Variants in PIEZO2 observed in about 807,000 individuals in gnomAD.
PIEZO2 encodes piezo-type mechanosensitive ion channel component 2.
Under a neutral mutation model 337.3 loss-of-function variants are expected in PIEZO2, and 172 were observed. The observed-to-expected ratio is 0.51, with a 90% CI of 0.45 to 0.58. The LOEUF (loss-of-function observed/expected upper bound fraction) is 0.58. Among genes scored for constraint, PIEZO2 ranks in the 20% least tolerant of loss-of-function variants. The probability of loss-of-function intolerance (pLI) is 0.00; values close to 1 mark genes in which losing one functional copy is unlikely to be tolerated. For missense variants in PIEZO2, 3,028 were observed against 3,391.3 expected (o/e 0.89, Z 2.66); for synonymous variants, 1,251 against 1,228.5 (o/e 1.02, Z -0.38).
chr18:10,823,887 T>C (rs1381224793), intron 7 of PIEZO2, among the ~76,000 whole-genome samples: 1 of 152,194 alleles, frequency 6.6e-6, no homozygotes, highest in Non-Finnish European at 1.5e-5. Context: ...CATATTCGCA[T>C]TCTGCCACAT....
At position 10,993,888 on chromosome 18, in the gene PIEZO2, A is replaced by C. The variant is rs902581539; in HGVS notation, c.161-14228T>G. ...TTTTCATTTCCATAGGTTTTGGGGA[A>C]CAGGTGATATTTGGTTACACAAGTA... is the stretch of plus-strand genomic sequence containing the variant. On this transcript the variant is annotated intron_variant, in intron 2 of 55. Transcript: ENST00000674853. The surrounding 1 kb of genome is among the most constrained non-coding windows in gnomAD (Gnocchi z 5.0). 6.2e-4 allele frequency among the ~76,000 whole-genome samples: 95 copies of C among 152,230 alleles called. 1 individual carries two copies. The highest frequency in any genetic ancestry group is 2.2e-3 in the African/African-American group (92 of 41,556).
In PIEZO2 at chr18:11,003,175, G is replaced by A. The variant is rs2035607832; in HGVS notation, c.161-23515C>T. The stretch of plus-strand genomic sequence containing the variant: ...GTGATGCAGTGAGGTTCCAGGACGT[G>A]TGTGGTATTAACTGTAGCACTAAGA... On this transcript the variant is annotated intron_variant, in intron 2 of 55. Coordinates refer to ENST00000674853, the MANE Select transcript of PIEZO2 (RefSeq NM_001378183.1). This position sits in a 1 kb window ranked among gnomAD's most constrained non-coding sequence, Gnocchi z 4.6. Among the ~76,000 whole-genome samples the A allele has an allele frequency of 6.6e-6, 1 of 152,214 alleles. No homozygotes were observed. Among genetic ancestry groups the A allele is most frequent in the African/African-American group, 2.4e-5 (1 of 41,450 alleles).
At chr18:10,924,990 A>G (rs528193642) in intron 3 of PIEZO2, among the ~76,000 whole-genome samples, 1 of 152,374 alleles carries the variant, frequency 6.6e-6, no homozygotes, top group African/African-American at 2.4e-5. Flanking sequence ...TAAACTTACA[A>G]TAGCAGCTTA....
intron 2 of PIEZO2, among the ~76,000 whole-genome samples, chr18:11,043,500 C>T (rs1393522232): frequency 6.6e-6 from 1 of 151,998 alleles, no homozygotes; most frequent in Non-Finnish European, 1.5e-5. Flanking sequence ...TGTGTGTAGA[C>T]TGTAGTAATT....
In PIEZO2 at chr18:10,943,367, C is replaced by T. The variant is rs1443729357; in HGVS notation, c.287-32139G>A. ...GCAAAGCCCCAGGGGTGGAGTTACC[C>T]AAGGCCGTGGGAGACCACCTCTTGC... On this transcript the variant is annotated intron_variant, in intron 3 of 55. Transcript: ENST00000674853. This position sits in a 1 kb window ranked among gnomAD's most constrained non-coding sequence, Gnocchi z 4.5. 1.3e-5 allele frequency among the ~76,000 whole-genome samples: 2 copies of T among 152,198 alleles called. No homozygotes were observed. The highest frequency in any genetic ancestry group is 2.9e-5 in the Non-Finnish European group (2 of 68,032).
At chr18:10,779,291 G>A (rs547375642) in intron 18 of PIEZO2, among the ~76,000 whole-genome samples, 1 of 152,236 alleles carries the variant, frequency 6.6e-6, no homozygotes, top group South Asian at 2.1e-4. Flanking sequence ...GAATTATTTT[G>A]TTAATTGGAT....
Position 10,794,728 on chromosome 18 carries a change from G to T in PIEZO2, c.1758+44C>A. On this transcript the variant is annotated intron_variant, in intron 13 of 55. Coordinates refer to ENST00000674853, the MANE Select transcript of PIEZO2 (RefSeq NM_001378183.1). This position sits in a 1 kb window ranked among gnomAD's most constrained non-coding sequence, Gnocchi z 6.6. ...TGGATACGATTATGATGATGATTGT[G>T]GTTTTGTGTCATTGTTTTGTTTTAT... The T allele has an allele frequency of 7.6e-7, 1 of 1,319,176 alleles. No individual in the cohort carries two copies. The highest frequency in any genetic ancestry group is 1.5e-5 in the African/African-American group (1 of 67,338). 81.7% of individuals were successfully genotyped at this position (1,319,176 alleles called of 1,614,324 possible).
In PIEZO2 at chr18:11,047,123, G is replaced by A. The variant is rs1325559700; in HGVS notation, c.160+19004C>T. 6.6e-6 allele frequency among the ~76,000 whole-genome samples: 1 copy of A among 152,180 alleles called. No homozygotes were observed. The highest frequency in any genetic ancestry group is 2.4e-5 in the African/African-American group (1 of 41,444). On this transcript the variant is annotated intron_variant, in intron 2 of 55. Transcript: ENST00000674853. The surrounding 1 kb of genome is among the most constrained non-coding windows in gnomAD (Gnocchi z 7.2). ...CATGTGCAGGGCATGGCCTGTCCAG[G>A]TACACTCAGGAGCCCCGTTTTCTGC... is the stretch of plus-strand genomic sequence containing the variant.
At chr18:10,931,759 G>A (rs2032103943) in intron 3 of PIEZO2, among the ~76,000 whole-genome samples, 1 of 151,634 alleles carries the variant, frequency 6.6e-6, no homozygotes, top group East Asian at 1.9e-4. Flanking sequence ...CTCACAGACT[G>A]CAATGTAACA....
Position 10,863,936 on chromosome 18 carries a change from G to A in PIEZO2, c.493-6725C>T, listed in dbSNP as rs1355857284. ...AGTTCCAGAGATTACTACTCATCCTGAACCACCTATTTTCTCTTGTAGGAA... is the reference window on the plus strand; with the variant it reads ...AGTTCCAGAGATTACTACTCATCCTAAACCACCTATTTTCTCTTGTAGGAA... On this transcript the variant is annotated intron_variant, in intron 5 of 55. Transcript: ENST00000674853. This position sits in a 1 kb window ranked among gnomAD's most constrained non-coding sequence, Gnocchi z 4.3. Among the ~76,000 whole-genome samples, 1 of 151,972 alleles carries A rather than the reference G, an allele frequency of 6.6e-6. No individual in the cohort carries two copies. The highest frequency in any genetic ancestry group is 1.5e-5 in the Non-Finnish European group (1 of 68,018).
At chr18:10,763,245 G>A (rs2038216678) in intron 21 of PIEZO2, 147 bp from the exon 22 acceptor site, 1 of 813,132 alleles carries the variant, frequency 1.2e-6, no homozygotes, top group South Asian at 1.8e-5. Flanking sequence ...CCTAGGTGCT[G>A]GGGTACTAAA....
At position 10,714,874 on chromosome 18, in the gene PIEZO2, G is replaced by T. The variant is rs1193174591; in HGVS notation, c.5313C>A (p.Asn1771Lys). The change falls in exon 39 of 56, where the codon AAC becomes AAA. Residue 1771 changes from asparagine (N) to lysine (K), a missense_variant. Coordinates refer to ENST00000674853, the MANE Select transcript of PIEZO2 (RefSeq NM_001378183.1). Reference protein sequence around the residue: ...IHMYYQNHIMNLSRESGLDTI... With the variant: ...IHMYYQNHIMKLSRESGLDTI... Reference sequence around the variant, plus strand: ...TGTCCAGTCCCGACTCTCTGGAAAGGTTCATGATGTGGTTCTGATAGTACA... The same window carrying T: ...TGTCCAGTCCCGACTCTCTGGAAAGTTTCATGATGTGGTTCTGATAGTACA... 1 of 1,537,208 alleles carries T rather than the reference G, an allele frequency of 6.5e-7. No individual in the cohort carries two copies. The highest frequency in any genetic ancestry group is 1.4e-5 in the African/African-American group (1 of 73,144).
intron 3 of PIEZO2, among the ~76,000 whole-genome samples, chr18:10,975,955 G>T (rs577278085): frequency 2.0e-5 from 3 of 152,280 alleles, no homozygotes; most frequent in African/African-American, 7.2e-5. Context: ...CTTTTGCTAT[G>T]TTATCTATGC....
intron 2 of PIEZO2, among the ~76,000 whole-genome samples, chr18:11,007,398 T>C (rs536339863): frequency 1.3e-5 from 2 of 152,312 alleles, no homozygotes; most frequent in East Asian, 3.9e-4. Context: ...TTTTAGCAAA[T>C]GTATGCATAT....
intron 3 of PIEZO2, among the ~76,000 whole-genome samples, chr18:10,939,103 T>G (rs1340093753): frequency 6.6e-6 from 1 of 152,116 alleles, no homozygotes; most frequent in Non-Finnish European, 1.5e-5. Flanking sequence ...AAGTTTACAT[T>G]CTTAACATGC....
rs560629106 is a variant in PIEZO2 at position 11,042,939 on chromosome 18, T to G, written c.160+23188A>C. Reference sequence around the variant, plus strand: ...TCAAAGAAGAATCTGAGGATAATTATTGGTTTTATCAGTAATTTGGTTCTA... The same window carrying G: ...TCAAAGAAGAATCTGAGGATAATTAGTGGTTTTATCAGTAATTTGGTTCTA... On this transcript the variant is annotated intron_variant, in intron 2 of 55. Coordinates refer to ENST00000674853, the MANE Select transcript of PIEZO2 (RefSeq NM_001378183.1). 1.4e-4 allele frequency among the ~76,000 whole-genome samples: 21 copies of G among 152,326 alleles called. No homozygotes were observed. In the East Asian group the frequency reaches 1.7e-3, roughly 13 times the overall value.
rs1465245003 is a variant in PIEZO2 at position 11,048,242 on chromosome 18, C to G, written c.160+17885G>C. Among the ~76,000 whole-genome samples, 2 of 152,104 alleles carry G rather than the reference C, an allele frequency of 1.3e-5. No individual in the cohort carries two copies. Among genetic ancestry groups the G allele is most frequent in the Non-Finnish European group, 2.9e-5 (2 of 68,018 alleles). On this transcript the variant is annotated intron_variant, in intron 2 of 55. Coordinates refer to ENST00000674853, the MANE Select transcript of PIEZO2 (RefSeq NM_001378183.1). The surrounding 1 kb of genome is among the most constrained non-coding windows in gnomAD (Gnocchi z 4.5). ...AGAAAATAAATCTAGGCAAAATTAA[C>G]TTTTTAAAAAATGGAGAAAGGGAAG...
Position 10,982,824 on chromosome 18 carries a change from G to A in PIEZO2, c.161-3164C>T, listed in dbSNP as rs576228301. Among the ~76,000 whole-genome samples, 1 of 152,158 alleles carries A rather than the reference G, an allele frequency of 6.6e-6. No homozygotes were observed. ...CAACTTCCACCTCCCAGGTTCAAGC[G>A]ATTCTTGTGCCTCAGCCTTCTGAGT... On this transcript the variant is annotated intron_variant, in intron 2 of 55. Coordinates refer to ENST00000674853, the MANE Select transcript of PIEZO2 (RefSeq NM_001378183.1). The surrounding 1 kb of genome is among the most constrained non-coding windows in gnomAD (Gnocchi z 4.1).
At chr18:10,675,951 G>A (rs1234418652) in intron 53 of PIEZO2, among the ~76,000 whole-genome samples, 1 of 152,100 alleles carries the variant, frequency 6.6e-6, no homozygotes, top group East Asian at 1.9e-4. Flanking sequence ...TGATTGTGAG[G>A]CCTCCCCAGC....
Sources: gnomAD v4.1 joint callset for allele counts (sites outside exome capture counted in the v4.1 genomes callset) on GRCh38, gnomAD v4.1.1 for gene constraint, Gnocchi (gnomAD v3.1) non-coding constraint, MANE v1.5 for transcripts, NCBI Gene and HGNC (gene_info 2026-07-23, HGNC 2026-07-21) for gene names.